Variants in GABRG1 observed in about 807,000 individuals in gnomAD.
GABRG1 encodes the protein gamma-aminobutyric acid type A receptor subunit gamma1, also known as gamma-aminobutyric acid receptor subunit gamma-1.
GABRG1 carries 49 observed loss-of-function variants against 49.8 expected under a neutral mutation model. The observed-to-expected ratio is 0.98, with a 90% CI of 0.78 to 1.25. GABRG1 has a LOEUF of 1.25. Ranked by LOEUF, GABRG1 falls within the 50% of genes most tolerant of loss-of-function variation. GABRG1 has a pLI of 0.00. For synonymous variants in GABRG1, 232 were observed against 185.1 expected, an observed-to-expected ratio of 1.25 and a Z score of -2.06; for missense variants, 552 against 552.3, an observed-to-expected ratio of 1.00 and a Z score of 0.01.
Position 46,039,592 on chromosome 4 carries a change from T to G in GABRG1, c.*1396A>C, listed in dbSNP as rs1484207988. ...ACAGAAACAATCTTTAAAGGTTATT[T>G]CCAAGCTAAACCTGGTGGTTCTCCA... On this transcript the variant is annotated 3_prime_UTR_variant, in exon 9 of 9. Coordinates refer to ENST00000295452, the MANE Select transcript of GABRG1 (RefSeq NM_173536.4). The G allele has an allele frequency of 6.6e-6, 1 of 151,732 alleles. No individual in the cohort carries two copies. Among genetic ancestry groups the G allele is most frequent in the African/African-American group, 2.4e-5 (1 of 41,400 alleles). The allele number at this position is 151,732 out of a possible 1,614,324, so 9.4% of individuals were successfully genotyped here.
chr4:46,082,431 C>T (rs1269262180), intron 3 of GABRG1, among the ~76,000 whole-genome samples: 1 of 151,750 alleles, frequency 6.6e-6, no homozygotes, highest in East Asian at 1.9e-4. Context: ...TACATTCCCA[C>T]TCACTCCCTA....
At chr4:46,077,656 A>T (rs1375862716) in intron 3 of GABRG1, among the ~76,000 whole-genome samples, 1 of 151,824 alleles carries the variant, frequency 6.6e-6, no homozygotes, top group Non-Finnish European at 1.5e-5. Context: ...TCTCAGTCTA[A>T]TTTGCATTTT....
chr4:46,059,547 C>A (rs544700685), intron 5 of GABRG1, among the ~76,000 whole-genome samples: 1 of 151,942 alleles, frequency 6.6e-6, no homozygotes, highest in Non-Finnish European at 1.5e-5. Flanking sequence ...CTTGCCAACA[C>A]GAATGGCTAC....
Position 46,036,713 on chromosome 4 carries a change from G to A in GABRG1, c.*4275C>T, listed in dbSNP as rs1428211703. 1 of 151,862 alleles carries A rather than the reference G, an allele frequency of 6.6e-6. No individual in the cohort carries two copies. Among genetic ancestry groups the A allele is most frequent in the Non-Finnish European group, 1.5e-5 (1 of 67,876 alleles). 9.4% of individuals were successfully genotyped at this position (151,862 alleles called of 1,614,324 possible). ...GAGTACGGATTTCATCCTCATATTAGCCACTATAAGCTTATACGCCTAACT... is the reference window on the plus strand; with the variant it reads ...GAGTACGGATTTCATCCTCATATTAACCACTATAAGCTTATACGCCTAACT... On this transcript the variant is annotated 3_prime_UTR_variant, in exon 9 of 9. Transcript: ENST00000295452.
chr4:46,088,290 C>A (rs1221828818), intron 2 of GABRG1, among the ~76,000 whole-genome samples: 2 of 152,014 alleles, frequency 1.3e-5, no homozygotes, highest in African/African-American at 4.8e-5. Context: ...CCACATTTAA[C>A]AAGATTTTGA....
intron 3 of GABRG1, among the ~76,000 whole-genome samples, chr4:46,078,853 T>C (rs548360037): frequency 8.4e-4 from 127 of 151,992 alleles, no homozygotes; most frequent in Non-Finnish European, 1.7e-3. Flanking sequence ...CACTTCAAGA[T>C]AGATACCTCA....
At chr4:46,046,284 G>A (rs1213321151) in intron 8 of GABRG1, among the ~76,000 whole-genome samples, 1 of 152,036 alleles carries the variant, frequency 6.6e-6, no homozygotes, top group Non-Finnish European at 1.5e-5. Context: ...ATATTAAGCA[G>A]TGTTCTTTGG....
intron 1 of GABRG1, among the ~76,000 whole-genome samples, chr4:46,100,870 G>A (rs1720357566): frequency 6.6e-6 from 1 of 150,936 alleles, no homozygotes; most frequent in Non-Finnish European, 1.5e-5. Context: ...TCTTTCCTCA[G>A]TTTCGGCAAT....
intron 2 of GABRG1, among the ~76,000 whole-genome samples, chr4:46,095,005 T>A (rs1442996128): frequency 6.6e-6 from 1 of 151,536 alleles, no homozygotes; most frequent in African/African-American, 2.4e-5. Flanking sequence ...TAAGAAAAAA[T>A]CACCTTGAAT....
intron 1 of GABRG1, among the ~76,000 whole-genome samples, chr4:46,109,364 T>C (rs1720650947): frequency 6.6e-6 from 1 of 151,068 alleles, no homozygotes; most frequent in Admixed American, 6.6e-5. Context: ...TTAGTTGTAA[T>C]GTCACCATTG....
chr4:46,060,572 T>C (rs1306163261), intron 5 of GABRG1, among the ~76,000 whole-genome samples: 1 of 152,170 alleles, frequency 6.6e-6, no homozygotes, highest in Non-Finnish European at 1.5e-5. Context: ...ACCGAAAGAT[T>C]GGTAGCACAT....
intron 1 of GABRG1, among the ~76,000 whole-genome samples, chr4:46,105,371 G>T (rs1226906682): frequency 6.6e-6 from 1 of 151,494 alleles, no homozygotes; most frequent in African/African-American, 2.4e-5. Context: ...GCTGATGGAA[G>T]AATGATACAG....
intron 7 of GABRG1, among the ~76,000 whole-genome samples, chr4:46,057,608 T>C (rs1045501002): frequency 6.6e-6 from 1 of 152,130 alleles, no homozygotes; most frequent in African/African-American, 2.4e-5. Context: ...AAGTCTATTT[T>C]GTCAAGTATG....
intron 5 of GABRG1, among the ~76,000 whole-genome samples, chr4:46,059,288 C>T (rs567830307): frequency 3.1e-4 from 47 of 152,158 alleles, no homozygotes; most frequent in African/African-American, 1.1e-3. Flanking sequence ...GCAAGCATTA[C>T]TTTAGGATAG....
At chr4:46,047,421 T>C (rs551230546) in intron 8 of GABRG1, among the ~76,000 whole-genome samples, 18 of 152,094 alleles carry the variant, frequency 1.2e-4, no homozygotes, top group Non-Finnish European at 2.5e-4. Context: ...CAAACTTCCA[T>C]CAGTTTATAT....
In GABRG1 at chr4:46,099,642, A is replaced by C. The variant is rs1428577259; in HGVS notation, c.105-2293T>G. On this transcript the variant is annotated intron_variant, in intron 1 of 8. Coordinates refer to ENST00000295452, the MANE Select transcript of GABRG1 (RefSeq NM_173536.4). ...ATCTCACCAGTTTCTCCCACCACCAACACCTTAGTTAAACAATCTTAGCAA... is the reference window on the plus strand; with the variant it reads ...ATCTCACCAGTTTCTCCCACCACCACCACCTTAGTTAAACAATCTTAGCAA... 2.0e-5 allele frequency among the ~76,000 whole-genome samples: 3 copies of C among 151,692 alleles called. No homozygotes were observed. The East Asian group carries it at 5.9e-4, about 30-fold the overall frequency.
intron 3 of GABRG1, among the ~76,000 whole-genome samples, chr4:46,076,682 C>G (rs1188374195): frequency 6.6e-6 from 1 of 151,282 alleles, no homozygotes; most frequent in East Asian, 2.0e-4. Context: ...ACAAACCTGC[C>G]CTGAGGCCAG....
At chr4:46,043,433 A>C (rs1373817224) in intron 8 of GABRG1, among the ~76,000 whole-genome samples, 2 of 152,082 alleles carry the variant, frequency 1.3e-5, no homozygotes, top group Non-Finnish European at 2.9e-5. Context: ...GAACAATGAA[A>C]GTAAACAGAA....
chr4:46,041,429 G>C (rs1165665546), intron 8 of GABRG1, among the ~76,000 whole-genome samples, 175 bp from the exon 9 acceptor site: 1 of 151,620 alleles, frequency 6.6e-6, no homozygotes, highest in Non-Finnish European at 1.5e-5. Flanking sequence ...CTTTGTAATA[G>C]AACATTTGTT....
Sources: allele counts gnomAD v4.1 joint callset (sites outside exome capture counted in the v4.1 genomes callset), GRCh38; gene constraint gnomAD v4.1.1; transcripts MANE v1.5; gene names NCBI Gene and HGNC (gene_info 2026-07-23, HGNC 2026-07-21).